ACER2: variants seen among roughly 807,000 people sequenced by gnomAD.
The protein encoded by ACER2 is alkaline ceramidase 2.
ACER2 carries 26 observed loss-of-function variants against 34.7 expected under a neutral mutation model. The observed-to-expected ratio is 0.75, with a 90% CI of 0.55 to 1.04. ACER2 has a LOEUF of 1.04. Ranked by LOEUF, ACER2 falls within the 50% of genes least tolerant of loss-of-function variation. The pLI is 0.00. For synonymous variants in ACER2, 138 were observed against 132.1 expected (o/e 1.04, Z -0.31); for missense variants, 352 against 340.8 (o/e 1.03, Z -0.26).
chr9:19,421,543 A>C (rs1830407945), intron 1 of ACER2, among the ~76,000 whole-genome samples: 1 of 152,258 alleles, frequency 6.6e-6, no homozygotes, highest in Non-Finnish European at 1.5e-5. Flanking sequence ...TATTTAGAAT[A>C]GATAAAATCA....
intron 1 of ACER2, among the ~76,000 whole-genome samples, chr9:19,416,708 C>G (rs1035299686): frequency 6.0e-5 from 9 of 148,914 alleles, no homozygotes; most frequent in Admixed American, 5.4e-4. Flanking sequence ...TTTTTTTGTA[C>G]TTTTAGTAGA....
At chr9:19,439,828 G>A (rs1420858103) in intron 4 of ACER2, among the ~76,000 whole-genome samples, 5 of 152,198 alleles carry the variant, frequency 3.3e-5, no homozygotes, top group Non-Finnish European at 7.3e-5. Context: ...TTAGCTGAGT[G>A]TGGTGGCAGA....
At chr9:19,446,697 C>T (rs1831377006) in intron 5 of ACER2, 1 of 923,356 alleles carries the variant, frequency 1.1e-6, no homozygotes, top group South Asian at 5.0e-5. Flanking sequence ...CCTAAAGGAG[C>T]TTGAGAACTG....
chr9:19,446,869 C>T (rs1456952794), intron 5 of ACER2, among the ~76,000 whole-genome samples: 2 of 152,144 alleles, frequency 1.3e-5, no homozygotes, highest in Non-Finnish European at 2.9e-5. Context: ...CATTTAGAGA[C>T]ATTCTCTTCC....
intron 1 of ACER2, among the ~76,000 whole-genome samples, chr9:19,411,432 T>C (rs1224550458): frequency 1.3e-5 from 2 of 152,190 alleles, no homozygotes; most frequent in Non-Finnish European, 2.9e-5. Context: ...TGTTCCAGGC[T>C]TGAGTGCTGT....
chr9:19,449,918 C>T (rs376223630), intron 5 of ACER2, among the ~76,000 whole-genome samples: 3 of 146,804 alleles, frequency 2.0e-5, no homozygotes, highest in Non-Finnish European at 4.5e-5. Flanking sequence ...AAAAGGATTA[C>T]ATGCTTTTAA....
chr9:19,441,915 A>T (rs1831168615), intron 4 of ACER2, among the ~76,000 whole-genome samples: 1 of 152,156 alleles, frequency 6.6e-6, no homozygotes, highest in Admixed American at 6.5e-5. Context: ...GTCTGAGTTG[A>T]ATGTTTCTCA....
chr9:19,449,183 T>A (rs540276780), intron 5 of ACER2, among the ~76,000 whole-genome samples: 9 of 152,204 alleles, frequency 5.9e-5, no homozygotes, highest in Non-Finnish European at 1.2e-4. Context: ...TGGCACATAG[T>A]AGACAGTCAT....
At chr9:19,423,141 C>T (rs998148246) in intron 1 of ACER2, among the ~76,000 whole-genome samples, 1 of 150,848 alleles carries the variant, frequency 6.6e-6, no homozygotes, top group Non-Finnish European at 1.5e-5. Flanking sequence ...GCCTGGAAAA[C>T]ATAGCTAGAC....
rs560146382 is a variant in ACER2 at position 19,424,645 on chromosome 9, T to A, written c.224-55T>A. 416 of 1,607,654 alleles carry A rather than the reference T, an allele frequency of 2.6e-4. No individual in the cohort carries two copies. In the South Asian group the frequency reaches 3.7e-3, roughly 14 times the overall value. ...AAAGGACTATCCTTAAGCAGTGTAT[T>A]GAATTTGTGTCTCTTCTGTGGTGAC... is the stretch of plus-strand genomic sequence containing the variant. On this transcript the variant is annotated intron_variant, in intron 2 of 5. Transcript: ENST00000340967.
intron 3 of ACER2, among the ~76,000 whole-genome samples, chr9:19,433,521 C>G (rs1320428678): frequency 5.9e-5 from 9 of 151,988 alleles, no homozygotes; most frequent in African/African-American, 2.2e-4. Flanking sequence ...TTTCTTAGTA[C>G]AGAACAAAAT....
intron 3 of ACER2, among the ~76,000 whole-genome samples, chr9:19,433,149 C>CTTTTTTTTTTT (rs57915019): frequency 9.8e-5 from 6 of 61,360 alleles, no homozygotes; most frequent in Admixed American, 2.1e-4. Context: ...GTGTGAGTGG[C>CTTTTTTTTTTT]TTTTTTTTTT....
chr9:19,444,089 G>A (rs1831252011), intron 4 of ACER2, among the ~76,000 whole-genome samples: 1 of 147,092 alleles, frequency 6.8e-6, no homozygotes, highest in Non-Finnish European at 1.5e-5. Context: ...TGGTTTCCCT[G>A]GGCCATATTG....
chr9:19,412,884 G>A (rs1160520178), intron 1 of ACER2, among the ~76,000 whole-genome samples: 2 of 151,962 alleles, frequency 1.3e-5, no homozygotes, highest in African/African-American at 2.4e-5. Flanking sequence ...AATCCTTATT[G>A]ATGGACATTT....
intron 5 of ACER2, among the ~76,000 whole-genome samples, chr9:19,448,126 C>G (rs962622370): frequency 2.0e-5 from 3 of 151,616 alleles, no homozygotes; most frequent in Non-Finnish European, 4.4e-5. Context: ...TCCCACCTCA[C>G]CCCCTGCAGG....
chr9:19,414,833 G>A (rs1331415380), intron 1 of ACER2, among the ~76,000 whole-genome samples: 2 of 142,808 alleles, frequency 1.4e-5, no homozygotes, highest in African/African-American at 5.4e-5. Flanking sequence ...CTGACAGAGC[G>A]AGACTCCGCC....
intron 1 of ACER2, among the ~76,000 whole-genome samples, chr9:19,410,088 C>G (rs1830043759): frequency 6.6e-6 from 1 of 152,188 alleles, no homozygotes; most frequent in South Asian, 2.1e-4. Context: ...ACCGCCCAAA[C>G]AAGGGAAACA....
At chr9:19,409,732 G>C (rs1830030548) in intron 1 of ACER2, 1 of 985,170 alleles carries the variant, frequency 1.0e-6, no homozygotes, top group African/African-American at 1.7e-5. Context: ...TTTTTGGTCA[G>C]AATCAAGTTA....
intron 1 of ACER2, chr9:19,409,669 C>A (rs1263800222): frequency 2.2e-6 from 2 of 905,628 alleles, no homozygotes; most frequent in Non-Finnish European, 1.3e-6. Context: ...GGGGTCACTC[C>A]CACCAGGCAG....
Sources: gnomAD v4.1 joint callset for allele counts (sites outside exome capture counted in the v4.1 genomes callset) on GRCh38, gnomAD v4.1.1 for gene constraint, MANE v1.5 for transcripts, NCBI Gene and HGNC (gene_info 2026-07-23, HGNC 2026-07-21) for gene names.